Variants in UBTD2 observed in about 807,000 individuals in gnomAD.
UBTD2 encodes ubiquitin domain-containing protein 2.
Under a neutral mutation model 19.8 loss-of-function variants are expected in UBTD2, and 9 were observed. The ratio of observed to expected loss-of-function variants is 0.46; its 90% CI spans 0.27 to 0.79. The LOEUF (loss-of-function observed/expected upper bound fraction) is 0.79. Among genes scored for constraint, UBTD2 ranks in the 30% least tolerant of loss-of-function variants. The pLI is 0.14. For missense variants in UBTD2, 250 were observed against 300.4 expected, an observed-to-expected ratio of 0.83 and a Z score of 1.24; for synonymous variants, 98 against 103.9, an observed-to-expected ratio of 0.94 and a Z score of 0.35.
At chr5:172,226,567 C>T (rs1771770045) in intron 2 of UBTD2, among the ~76,000 whole-genome samples, 1 of 152,218 alleles carries the variant, frequency 6.6e-6, no homozygotes, top group Non-Finnish European at 1.5e-5. Context: ...CACTCACCAA[C>T]AGCAATGTCA....
At chr5:172,220,282 T>C (rs1303797503) in intron 2 of UBTD2, among the ~76,000 whole-genome samples, 2 of 152,148 alleles carry the variant, frequency 1.3e-5, no homozygotes, top group Non-Finnish European at 2.9e-5. Context: ...AACCCAACAC[T>C]GATTATCTGT....
chr5:172,242,202 T>G (rs918910816), intron 1 of UBTD2, among the ~76,000 whole-genome samples: 6 of 152,220 alleles, frequency 3.9e-5, no homozygotes, highest in Non-Finnish European at 7.3e-5. Context: ...TGTAGAACCA[T>G]GAGCCAAATA....
intron 1 of UBTD2, among the ~76,000 whole-genome samples, chr5:172,239,291 C>A (rs529610286): frequency 1.2e-4 from 19 of 152,264 alleles, no homozygotes; most frequent in Admixed American, 3.9e-4. Context: ...TGCCCAAATT[C>A]AAAGTCCAGA....
intron 1 of UBTD2, among the ~76,000 whole-genome samples, chr5:172,281,872 G>C (rs1360602817): frequency 1.3e-5 from 2 of 152,106 alleles, no homozygotes; most frequent in African/African-American, 4.8e-5. Context: ...TTCATGTACA[G>C]CAGAGCTTAC....
chr5:172,258,540 T>C (rs1755205197), intron 1 of UBTD2, among the ~76,000 whole-genome samples: 1 of 152,218 alleles, frequency 6.6e-6, no homozygotes, highest in Admixed American at 6.5e-5. Flanking sequence ...CAGGAGTGCA[T>C]CCAATCTGTA....
intron 2 of UBTD2, among the ~76,000 whole-genome samples, chr5:172,225,543 C>T (rs1016971536): frequency 6.6e-6 from 1 of 152,178 alleles, no homozygotes; most frequent in Non-Finnish European, 1.5e-5. Flanking sequence ...TCTGTGCTCT[C>T]ACTCCCTTAA....
chr5:172,242,675 A>G (rs902140839), intron 1 of UBTD2, among the ~76,000 whole-genome samples: 1 of 152,214 alleles, frequency 6.6e-6, no homozygotes, highest in Non-Finnish European at 1.5e-5. Context: ...ACTGAATGTC[A>G]CGTCTATGGT....
chr5:172,241,702 TA>T (rs755617822), intron 1 of UBTD2, among the ~76,000 whole-genome samples: 41 of 151,988 alleles, frequency 2.7e-4, no homozygotes, highest in Non-Finnish European at 5.7e-4. Flanking sequence ...CTATGGTAAA[TA>T]AAAGTTTTTT....
intron 2 of UBTD2, among the ~76,000 whole-genome samples, chr5:172,222,855 G>A (rs1771680680): frequency 6.6e-6 from 1 of 152,170 alleles, no homozygotes; most frequent in African/African-American, 2.4e-5. Flanking sequence ...ATTACCAGAG[G>A]TGGCTAAAAC....
intron 1 of UBTD2, among the ~76,000 whole-genome samples, chr5:172,241,972 C>A (rs1282820035): frequency 6.6e-6 from 1 of 152,226 alleles, no homozygotes; most frequent in African/African-American, 2.4e-5. Context: ...GAGCTGCGAT[C>A]GTGCAACTGC....
intron 2 of UBTD2, among the ~76,000 whole-genome samples, chr5:172,228,576 A>C (rs985804898): frequency 6.6e-6 from 1 of 151,970 alleles, no homozygotes; most frequent in African/African-American, 2.4e-5. Context: ...CAAAAATTAG[A>C]TGGGCGTGGT....
At chr5:172,249,556 C>T (rs1328452036) in intron 1 of UBTD2, among the ~76,000 whole-genome samples, 1 of 152,084 alleles carries the variant, frequency 6.6e-6, no homozygotes, top group Non-Finnish European at 1.5e-5. Context: ...GAGCAATATC[C>T]CTTAAGATAT....
At chr5:172,260,267 T>A (rs10042599) in intron 1 of UBTD2, among the ~76,000 whole-genome samples, 48,912 of 151,908 alleles carry the variant, frequency 0.32, 7,960 homozygotes, top group South Asian at 0.42. Flanking sequence ...TATTAATACA[T>A]CTTAATTTTC....
At chr5:172,240,935 T>C (rs549740539) in intron 1 of UBTD2, among the ~76,000 whole-genome samples, 4 of 152,154 alleles carry the variant, frequency 2.6e-5, no homozygotes, top group African/African-American at 9.6e-5. Flanking sequence ...TAAATACATA[T>C]ATATAAATAA....
intron 2 of UBTD2, among the ~76,000 whole-genome samples, chr5:172,215,043 G>A (rs1434404813): frequency 1.3e-5 from 2 of 152,200 alleles, no homozygotes; most frequent in Non-Finnish European, 2.9e-5. Context: ...AGACACCCAG[G>A]AGCTGAAATC....
At position 172,283,543 on chromosome 5, in the gene UBTD2, G is replaced by T; in HGVS notation, c.70+53C>A. On this transcript the variant is annotated intron_variant, in intron 1 of 2. Transcript: ENST00000393792. This position sits in a 1 kb window ranked among gnomAD's most constrained non-coding sequence, Gnocchi z 4.3. ...CCCGCGGGGGTCGGGACAGGTGGCCGGGCCTGGCCGGGAACAATGGGGGGC... is the reference window on the plus strand; with the variant it reads ...CCCGCGGGGGTCGGGACAGGTGGCCTGGCCTGGCCGGGAACAATGGGGGGC... 1 of 1,254,834 alleles carries T rather than the reference G, an allele frequency of 8.0e-7. No individual in the cohort carries two copies. The highest frequency in any genetic ancestry group is 1.0e-6 in the Non-Finnish European group (1 of 991,160). 77.7% of individuals were successfully genotyped at this position (1,254,834 alleles called of 1,614,324 possible).
chr5:172,244,312 T>TTTTTC, intron 1 of UBTD2, among the ~76,000 whole-genome samples: 1 of 151,174 alleles, frequency 6.6e-6, no homozygotes, highest in African/African-American at 2.4e-5. Flanking sequence ...TTTTTTTTTT[T>TTTTTC]TGAGACAGAG....
At chr5:172,242,076 C>T (rs2113032462) in intron 1 of UBTD2, among the ~76,000 whole-genome samples, 1 of 152,292 alleles carries the variant, frequency 6.6e-6, no homozygotes, top group South Asian at 2.1e-4. Flanking sequence ...CACTTCCTCC[C>T]CTTTTTTTCT....
intron 1 of UBTD2, among the ~76,000 whole-genome samples, chr5:172,264,187 C>A (rs1755327271): frequency 6.6e-6 from 1 of 151,946 alleles, no homozygotes; most frequent in African/African-American, 2.4e-5. Flanking sequence ...AAAATCAGTA[C>A]CAGCAATAAC....
Sources: gnomAD v4.1 joint callset for allele counts (sites outside exome capture counted in the v4.1 genomes callset) on GRCh38, gnomAD v4.1.1 for gene constraint, Gnocchi (gnomAD v3.1) non-coding constraint, MANE v1.5 for transcripts, NCBI Gene and HGNC (gene_info 2026-07-23, HGNC 2026-07-21) for gene names.